AXDND1: variants seen among roughly 807,000 people sequenced by gnomAD.
AXDND1 encodes the protein axonemal dynein light chain domain containing 1.
A neutral mutation model predicts 137.5 loss-of-function variants in AXDND1; 110 were observed. That is an observed-to-expected ratio of 0.80 (90% CI 0.69 to 0.94). AXDND1 has a LOEUF of 0.94. Among genes scored for constraint, AXDND1 ranks in the 40% least tolerant of loss-of-function variants. AXDND1 has a pLI of 0.00. For missense variants in AXDND1, 1,191 were observed against 1,169.8 expected, an observed-to-expected ratio of 1.02 and a Z score of -0.26; for synonymous variants, 414 against 399.7, an observed-to-expected ratio of 1.04 and a Z score of -0.43.
rs532259006 is a variant in AXDND1, at chr1:179,418,302, G to A, written c.1230+7036G>A. Among the ~76,000 whole-genome samples, 23 of 152,316 alleles carry A rather than the reference G, an allele frequency of 1.5e-4. No homozygotes were observed. The South Asian group carries it at 2.9e-3, about 19-fold the overall frequency. ...CACATGTTTCAGAGAGCATAGGGCT[G>A]GGGGTAAGGTCACAGATCAACAGGA... On this transcript the variant is annotated intron_variant, in intron 12 of 25. Coordinates refer to ENST00000367618, the MANE Select transcript of AXDND1 (RefSeq NM_144696.6).
intron 15 of AXDND1, among the ~76,000 whole-genome samples, chr1:179,435,824 CA>C (rs1315374013): frequency 6.6e-6 from 1 of 152,040 alleles, no homozygotes; most frequent in African/African-American, 2.4e-5. Flanking sequence ...CAACAAAAAC[CA>C]AAATTGACAA....
intron 11 of AXDND1, among the ~76,000 whole-genome samples, chr1:179,409,477 T>C (rs2125213608): frequency 6.6e-6 from 1 of 152,188 alleles, no homozygotes; most frequent in Middle Eastern, 3.4e-3. Context: ...GCTAGAACTT[T>C]ATGTATTTTT....
At chr1:179,500,337 ATGTGTGTGTGTGTGTGTGTGTGTGTG>A (rs57654195) in intron 20 of AXDND1, among the ~76,000 whole-genome samples, 1 of 133,816 alleles carries the variant, frequency 7.5e-6, no homozygotes, top group African/African-American at 2.8e-5. Flanking sequence ...AGGGTACATT[ATGTGTGTGTGTGTGTGTGTGTGTGTG>A]TGTGTGTGTG....
In AXDND1 at chr1:179,432,343, GTAAGACTTTTTAA is replaced by G. The variant is rs1182864084; in HGVS notation, c.1563+5_1563+17del. ...TTTAGACTTCAAACAGTGGCAGAAG[GTAAGACTTTTTAA>G]TAAAGAGCTTGGCAATCAAAGTGCT... On this transcript the variant is annotated splice_donor_variant and splice_donor_5th_base_variant and intron_variant, in intron 15 of 25. Transcript: ENST00000367618. LOFTEE classifies it high-confidence loss of function. The G allele has an allele frequency of 5.7e-6, 9 of 1,565,242 alleles. No individual in the cohort carries two copies. The highest frequency in any genetic ancestry group is 1.9e-5 in the Admixed American group (1 of 54,030).
At chr1:179,483,091 A>C (rs780352409) in intron 17 of AXDND1, 37 bp from the exon 18 acceptor site, 1 of 1,364,292 alleles carries the variant, frequency 7.3e-7, no homozygotes. Context: ...CCTTTAAATC[A>C]GCCAGTCACT....
chr1:179,455,897 A>G (rs1234722715), intron 16 of AXDND1: 1 of 192,084 alleles, frequency 5.2e-6, no homozygotes, highest in African/African-American at 2.5e-5. Context: ...GTTTTTAAAG[A>G]CATTTATTCA....
At chr1:179,443,229 C>T (rs12073906) in intron 15 of AXDND1, among the ~76,000 whole-genome samples, 16,778 of 152,172 alleles carry the variant, frequency 0.11, 1,133 homozygotes, top group East Asian at 0.35. Context: ...TCAAGTGGAG[C>T]GCTGAGTTGG....
At chr1:179,366,677 T>C (rs1237153504) in intron 2 of AXDND1, 71 bp downstream of exon 2, 46 of 1,338,910 alleles carry the variant, frequency 3.4e-5, no homozygotes, top group Non-Finnish European at 1.5e-5. Context: ...CATTCACCGG[T>C]TTTTTAAATC....
intron 8 of AXDND1, among the ~76,000 whole-genome samples, chr1:179,384,122 T>A (rs1302721979): frequency 1.3e-5 from 2 of 152,238 alleles, no homozygotes; most frequent in Non-Finnish European, 2.9e-5. Flanking sequence ...TTTTTTGTTT[T>A]ATGTATTTTA....
intron 4 of AXDND1, among the ~76,000 whole-genome samples, chr1:179,375,471 A>G (rs1212520154): frequency 6.8e-6 from 1 of 147,912 alleles, no homozygotes; most frequent in Non-Finnish European, 1.5e-5. Flanking sequence ...ATATATGTCT[A>G]ATTATATAAA....
At chr1:179,521,960 T>G (rs879156045) in intron 21 of AXDND1, among the ~76,000 whole-genome samples, 1 of 152,128 alleles carries the variant, frequency 6.6e-6, no homozygotes, top group African/African-American at 2.4e-5. Context: ...TTGCTCTGAT[T>G]AATGTGGAGA....
At chr1:179,547,285 CTG>C (rs1672739642) in intron 25 of AXDND1, among the ~76,000 whole-genome samples, 1 of 152,180 alleles carries the variant, frequency 6.6e-6, no homozygotes, top group Non-Finnish European at 1.5e-5. Flanking sequence ...TGATATGAAG[CTG>C]TGTCTAGGGT....
At position 179,406,051 on chromosome 1, in the gene AXDND1, A is replaced by G. The variant is rs576553195; in HGVS notation, c.1110-5095A>G. On this transcript the variant is annotated intron_variant, in intron 11 of 25. Transcript: ENST00000367618. ...TAGCACTACTTTTGCATTATCCCAT[A>G]GGCCTTGTGCTTCATTTGTTTCAAG... Among the ~76,000 whole-genome samples the G allele has an allele frequency of 5.1e-4, 77 of 152,216 alleles. 1 individual carries two copies. Among genetic ancestry groups the G allele is most frequent in the Non-Finnish European group, 1.5e-4 (10 of 67,980 alleles).
chr1:179,370,875 A>G (rs897442358), intron 4 of AXDND1, among the ~76,000 whole-genome samples: 11 of 152,208 alleles, frequency 7.2e-5, no homozygotes, highest in African/African-American at 2.4e-4. Flanking sequence ...AAGCACAAAT[A>G]AGATAATAGA....
intron 21 of AXDND1, 27 bp downstream of exon 21, chr1:179,509,430 A>T (rs1400562036): frequency 1.5e-6 from 2 of 1,334,428 alleles, no homozygotes; most frequent in South Asian, 2.4e-5. Context: ...AGCGTTGGTC[A>T]TTATTCAGAT....
At chr1:179,545,365 A>G (rs991316187) in intron 25 of AXDND1, 10 of 152,224 alleles carry the variant, frequency 6.6e-5, no homozygotes, top group African/African-American at 2.2e-4. Flanking sequence ...CAGGCCTGTC[A>G]TTGGCCATCA....
In AXDND1 at chr1:179,505,156, TC is replaced by T. The variant is rs571480612; in HGVS notation, c.2389-4137del. On this transcript the variant is annotated intron_variant, in intron 20 of 25. Coordinates refer to ENST00000367618, the MANE Select transcript of AXDND1 (RefSeq NM_144696.6). Reference sequence around the variant, plus strand: ...TGGGATTTCTATGGCCTCATCCACATCCCACAAGGTGAAAAGAAGATGGTTT... The same window carrying T: ...TGGGATTTCTATGGCCTCATCCACATCCACAAGGTGAAAAGAAGATGGTTT... Among the ~76,000 whole-genome samples, 5 of 152,358 alleles carry T rather than the reference TC, an allele frequency of 3.3e-5. No homozygotes were observed. In the East Asian group the frequency reaches 9.6e-4, roughly 29 times the overall value.
chr1:179,521,302 C>T (rs1395748278), intron 21 of AXDND1, among the ~76,000 whole-genome samples: 1 of 152,110 alleles, frequency 6.6e-6, no homozygotes, highest in African/African-American at 2.4e-5. Context: ...TACTGTATTT[C>T]TCTCTCCTCC....
chr1:179,530,726 C>T (rs1670967138), intron 23 of AXDND1, among the ~76,000 whole-genome samples: 1 of 152,122 alleles, frequency 6.6e-6, no homozygotes, highest in Non-Finnish European at 1.5e-5. Flanking sequence ...TTCTGATTAA[C>T]CAAAAAATCT....
Sources: gnomAD v4.1 joint callset for allele counts (sites outside exome capture counted in the v4.1 genomes callset) on GRCh38, gnomAD v4.1.1 for gene constraint, MANE v1.5 for transcripts, NCBI Gene and HGNC (gene_info 2026-07-23, HGNC 2026-07-21) for gene names.